Variants in ADSS1 observed in about 807,000 individuals in gnomAD.
ADSS1 encodes the protein adenylosuccinate synthetase isozyme 1.
A neutral mutation model predicts 59.1 loss-of-function variants in ADSS1; 57 were observed. The ratio of observed to expected loss-of-function variants is 0.97; its 90% CI spans 0.78 to 1.20. ADSS1 has a LOEUF of 1.20. ADSS1 is among the 50% of genes most tolerant of loss of function. ADSS1 has a pLI of 0.00. For missense variants in ADSS1, 603 were observed against 610.3 expected (o/e 0.99, Z 0.13); for synonymous variants, 247 against 249.4 (o/e 0.99, Z 0.09).
chr14:104,746,331 C>T lies in ADSS1; in HGVS notation c.1267C>T (p.Pro423Ser), dbSNP rs768556212. 9.3e-6 allele frequency: 15 copies of T among 1,613,680 alleles called. No individual in the cohort carries two copies. The highest frequency in any genetic ancestry group is 1.7e-5 in the Admixed American group (1 of 60,010). ...TTGARRWEDL[P>S]PQAQNYIRFV... ...AGGCGCCAGGAGGTGGGAGGACCTG[C>T]CCCCACAGGCCCAGAACTACATCCG... is the stretch of plus-strand genomic sequence containing the variant. The change falls in exon 12 of 13, where the codon CCC (proline) becomes TCC (serine). Residue 423 changes from proline to serine, a missense_variant. By Grantham distance (74) the Pro-to-Ser change is moderately conservative. Coordinates refer to ENST00000330877, the MANE Select transcript of ADSS1 (RefSeq NM_152328.5).
At chr14:104,735,556 C>T (rs1221373797) in intron 2 of ADSS1, among the ~76,000 whole-genome samples, 2 of 152,206 alleles carry the variant, frequency 1.3e-5, no homozygotes, top group Admixed American at 6.5e-5. Flanking sequence ...TGGACAAGGC[C>T]GTGCCCTCCC....
chr14:104,738,917 C>G (rs544533928), intron 3 of ADSS1, among the ~76,000 whole-genome samples: 1 of 152,110 alleles, frequency 6.6e-6, no homozygotes, highest in African/African-American at 2.4e-5. Context: ...GGCTCAAGGG[C>G]GGGACGGGTG....
At chr14:104,743,473 G>T (rs527303875) in intron 10 of ADSS1, 20 of 387,820 alleles carry the variant, frequency 5.2e-5, no homozygotes, top group African/African-American at 3.7e-4. Context: ...AATGCTTCAT[G>T]TGGAGAGCGG....
rs1891299635 is a variant in ADSS1, at chr14:104,740,383, A to G, written c.477-218A>G. 6.6e-6 allele frequency among the ~76,000 whole-genome samples: 1 copy of G among 152,040 alleles called. No homozygotes were observed. The highest frequency in any genetic ancestry group is 2.1e-4 in the South Asian group (1 of 4,824). On this transcript the variant is annotated intron_variant, in intron 5 of 12. Coordinates refer to ENST00000330877, the MANE Select transcript of ADSS1 (RefSeq NM_152328.5). This position sits in a 1 kb window ranked among gnomAD's most constrained non-coding sequence, Gnocchi z 4.8. ...AAAGTACACACAGCCACACATGCAC[A>G]CACTCCACATGCACACATCCACCCA... is the stretch of plus-strand genomic sequence containing the variant.
intron 1 of ADSS1, among the ~76,000 whole-genome samples, chr14:104,734,630 AGTG>A (rs1222797436): frequency 6.6e-6 from 1 of 152,222 alleles, no homozygotes; most frequent in Non-Finnish European, 1.5e-5. Flanking sequence ...TTTCTGCTAA[AGTG>A]GGTGAGGGCA....
chr14:104,741,059 G>GCAGGCCTCCCCTGCCC (rs1160875732), intron 7 of ADSS1, 58 bp from the exon 8 acceptor site: 4 of 1,583,426 alleles, frequency 2.5e-6, no homozygotes, highest in Non-Finnish European at 3.4e-6. Context: ...TTCTTGGGAC[G>GCAGGCCTCCCCTGCCC]CAGGCCTCCC....
In ADSS1 at chr14:104,730,218, G is replaced by A. The variant is rs948987188; in HGVS notation, c.193-4802G>A. On this transcript the variant is annotated intron_variant, in intron 1 of 12. Transcript: ENST00000330877. ...TTAACACCTGGAGGGGAGCGGGTGG[G>A]TGCGGTGGCGTACATCTGTAACTCC... 4.7e-6 allele frequency: 7 copies of A among 1,494,726 alleles called. No homozygotes were observed. In the African/African-American group the frequency reaches 8.3e-5, roughly 18 times the overall value. The allele number at this position is 1,494,726 out of a possible 1,614,324, so 92.6% of individuals were successfully genotyped here.
At chr14:104,744,280 T>C (rs1891476971) in intron 10 of ADSS1, 1 of 153,760 alleles carries the variant, frequency 6.5e-6, no homozygotes, top group Non-Finnish European at 1.4e-5. Flanking sequence ...AAGGCAGAGA[T>C]GAGGTGCAGG....
rs1891550053 is a variant in ADSS1 at position 104,746,261 on chromosome 14, C to T, written c.1197C>T (p.Val399=). ...CTAACCAGGAGATGCTTCAGAAGGT[C>T]GAAGTTGAGTATGAAACGCTGCCTG... ...FPANQEMLQK[V]EVEYETLPGW... Residue 399 remains valine, a synonymous_variant, in exon 12 of 13, where the codon GTC becomes GTT. Coordinates refer to ENST00000330877, the MANE Select transcript of ADSS1 (RefSeq NM_152328.5). The T allele has an allele frequency of 6.2e-7, 1 of 1,612,628 alleles. No homozygotes were observed. Among genetic ancestry groups the T allele is most frequent in the Non-Finnish European group, 8.5e-7 (1 of 1,179,134 alleles).
intron 12 of ADSS1, 162 bp from the exon 13 acceptor site, chr14:104,746,789 A>G (rs1595217204): frequency 1.4e-6 from 1 of 711,642 alleles, no homozygotes; most frequent in East Asian, 2.7e-5. Context: ...GTCCCCCAAC[A>G]TGCACTACCT....
At chr14:104,743,466 G>A (rs769859571) in intron 10 of ADSS1, 3 of 405,710 alleles carry the variant, frequency 7.4e-6, no homozygotes, top group Non-Finnish European at 1.4e-5. Flanking sequence ...AGGTTAAAAT[G>A]CTTCATGTGG....
At chr14:104,739,187 A>C (rs1001553497) in intron 3 of ADSS1, 141 bp from the exon 4 acceptor site, 1 of 813,658 alleles carries the variant, frequency 1.2e-6, no homozygotes, top group Non-Finnish European at 2.0e-6. Flanking sequence ...CTTGCTGCGC[A>C]ACAGAGGTGG....
intron 1 of ADSS1, among the ~76,000 whole-genome samples, chr14:104,729,560 G>T (rs539798957): frequency 0.034 from 1,365 of 40,052 alleles, 28 homozygotes; most frequent in East Asian, 0.25. Flanking sequence ...GCGTCGGCGT[G>T]GTGGGGAGGA....
At position 104,740,992 on chromosome 14, in the gene ADSS1, T is replaced by A. The variant is rs1595209657; in HGVS notation, c.666+72T>A. The A allele has an allele frequency of 6.2e-7, 1 of 1,610,134 alleles. No individual in the cohort carries two copies. Among genetic ancestry groups the A allele is most frequent in the Non-Finnish European group, 8.5e-7 (1 of 1,177,232 alleles). On this transcript the variant is annotated intron_variant, in intron 7 of 12. Transcript: ENST00000330877. This position sits in a 1 kb window ranked among gnomAD's most constrained non-coding sequence, Gnocchi z 4.8. ...GGAGGCTGGATGTCCTACCTGGTGC[T>A]CGTTGAACACCCTTGGGGCACACCT...
intron 3 of ADSS1, among the ~76,000 whole-genome samples, chr14:104,738,769 TG>T (rs1003895802): frequency 6.6e-5 from 10 of 152,122 alleles, no homozygotes; most frequent in South Asian, 2.1e-4. Flanking sequence ...ATGTGGCTCC[TG>T]GGGGCTCTGC....
At position 104,739,781 on chromosome 14, in the gene ADSS1, T is replaced by C. The variant is rs771185141; in HGVS notation, c.441T>C (p.Leu147=). The C allele has an allele frequency of 3.1e-6, 5 of 1,613,732 alleles. No homozygotes were observed. Among genetic ancestry groups the C allele is most frequent in the Non-Finnish European group, 4.2e-6 (5 of 1,179,968 alleles). The change falls in exon 5 of 13, where the codon CTT becomes CTC. Residue 147 remains leucine (L), a synonymous_variant. Coordinates refer to ENST00000330877, the MANE Select transcript of ADSS1 (RefSeq NM_152328.5). ...ATTTTCACCAGGCTGTCGACGGACT[T>C]CAGGAAGTGCAGCGCCAGGCACAAG... ...VFDFHQAVDG[L]QEVQRQAQEG...
At chr14:104,738,861 G>A (rs1186868371) in intron 3 of ADSS1, among the ~76,000 whole-genome samples, 2 of 152,344 alleles carry the variant, frequency 1.3e-5, no homozygotes, top group Admixed American at 6.5e-5. Flanking sequence ...GGCAGGGACG[G>A]ACGGCAGCCT....
intron 11 of ADSS1, 173 bp downstream of exon 11, chr14:104,745,082 C>T: frequency 3.2e-6 from 2 of 618,178 alleles, no homozygotes; most frequent in Non-Finnish European, 5.7e-6. Context: ...ACGGGTTTCT[C>T]CCCACAGCGT....
intron 1 of ADSS1, chr14:104,730,075 C>T: frequency 6.4e-7 from 1 of 1,560,644 alleles, no homozygotes; most frequent in Non-Finnish European, 8.7e-7. Context: ...CTCACCTTCC[C>T]AGTGCCTGTG....
Sources: allele counts gnomAD v4.1 joint callset (sites outside exome capture counted in the v4.1 genomes callset), GRCh38; gene constraint gnomAD v4.1.1; non-coding constraint Gnocchi (gnomAD v3.1); transcripts MANE v1.5; gene names NCBI Gene and HGNC (gene_info 2026-07-23, HGNC 2026-07-21).